The following OSBPL10 variants were observed in gnomAD, a reference collection of about 807,000 sequenced individuals.
The protein encoded by OSBPL10 is oxysterol-binding protein-related protein 10.
In OSBPL10, 49 loss-of-function variants were observed where a neutral mutation model predicts 81.7. That is an observed-to-expected ratio of 0.60 (90% CI 0.48 to 0.76). OSBPL10 has a LOEUF of 0.76. Among genes scored for constraint, OSBPL10 ranks in the 30% least tolerant of loss-of-function variants. The probability of loss-of-function intolerance (pLI) is 0.00; values close to 1 mark genes in which losing one functional copy is unlikely to be tolerated. For synonymous variants in OSBPL10, 419 were observed against 383.6 expected (o/e 1.09, Z -1.08); for missense variants, 923 against 987.8 (o/e 0.93, Z 0.88).
chr3:31,981,141 AC>A lies in OSBPL10; in HGVS notation c.38del (p.Gly13ValfsTer97). 2.7e-6 allele frequency: 4 copies of A among 1,478,304 alleles called. No individual in the cohort carries two copies. Among genetic ancestry groups the A allele is most frequent in the East Asian group, 3.0e-5 (1 of 33,486 alleles). The allele number at this position is 1,478,304 out of a possible 1,614,324, so 91.6% of individuals were successfully genotyped here. A position where few individuals can be genotyped will look rare whatever the true frequency, so the allele number is the denominator to read the frequency against. ...TGCTGCTGCGGCTGCTGCTGTTGCT[AC>A]CCCCGCCGCCGTCTGTGCCCTGGAC... ...RAVQGTDGGGGSNSSSRSSSR... is the reference protein window; with the variant it reads ...RAVQGTDGGGXSNSSSRSSSR... On this transcript the variant is annotated frameshift_variant, in exon 1 of 12. Transcript: ENST00000396556. LOFTEE classifies it high-confidence loss of function. The surrounding 1 kb of genome is among the most constrained non-coding windows in gnomAD (Gnocchi z 4.5).
At chr3:31,673,073 G>A (rs148008331) in intron 8 of OSBPL10, among the ~76,000 whole-genome samples, 15 of 152,126 alleles carry the variant, frequency 9.9e-5, no homozygotes, top group African/African-American at 2.6e-4. Flanking sequence ...CAAAAGTAAA[G>A]CCCCAGGCCA....
At chr3:31,776,642 T>C (rs1698555952) in intron 4 of OSBPL10, among the ~76,000 whole-genome samples, 1 of 152,168 alleles carries the variant, frequency 6.6e-6, no homozygotes, top group African/African-American at 2.4e-5. Context: ...TACTAGTACA[T>C]GCTACAAAAT....
intron 2 of OSBPL10, among the ~76,000 whole-genome samples, chr3:32,040,040 C>T (rs978649741): frequency 1.4e-4 from 22 of 152,242 alleles, no homozygotes; most frequent in African/African-American, 4.6e-4. Flanking sequence ...TTTGGCAGTT[C>T]GTCAATAAGT....
intron 1 of OSBPL10, chr3:31,906,845 G>T (rs6550083): frequency 6.6e-6 from 1 of 152,254 alleles, no homozygotes; most frequent in Admixed American, 6.5e-5. Context: ...ACAGAAAACT[G>T]ACTGAAGTAA....
intron 7 of OSBPL10, 28 bp from the exon 8 acceptor site, chr3:31,684,142 C>T (rs1234632820): frequency 1.9e-6 from 3 of 1,606,316 alleles, no homozygotes; most frequent in South Asian, 1.1e-5. Context: ...CAAAGTCAGA[C>T]AATCCCTGGG....
chr3:31,945,631 G>C (rs2125433947), intron 1 of OSBPL10, among the ~76,000 whole-genome samples: 1 of 152,314 alleles, frequency 6.6e-6, no homozygotes, highest in South Asian at 2.1e-4. Context: ...CCATAGCTGA[G>C]AAGCAGCTGC....
chr3:31,710,903 G>A (rs1487856352), intron 6 of OSBPL10: 1 of 152,290 alleles, frequency 6.6e-6, no homozygotes, highest in Non-Finnish European at 1.5e-5. Context: ...AGGCCTGAAA[G>A]GGTTAATCAC....
At chr3:31,814,280 A>G (rs1699778984) in intron 4 of OSBPL10, among the ~76,000 whole-genome samples, 1 of 152,218 alleles carries the variant, frequency 6.6e-6, no homozygotes, top group Admixed American at 6.5e-5. Flanking sequence ...CATAAACACA[A>G]AGTCGAAAAT....
In OSBPL10 at chr3:31,767,250, G is replaced by C. The variant is rs1011666318; in HGVS notation, c.730-19130C>G. ...AGTTGTGATTAAAACAGTTCCCTCT[G>C]TTCATGGGAATAAGTTCTTCTCCCA... On this transcript the variant is annotated intron_variant, in intron 4 of 11. Coordinates refer to ENST00000396556, the MANE Select transcript of OSBPL10 (RefSeq NM_017784.5). Among the ~76,000 whole-genome samples the C allele has an allele frequency of 3.9e-5, 6 of 152,246 alleles. No homozygotes were observed. The South Asian group carries it at 1.0e-3, about 26-fold the overall frequency.
chr3:31,770,004 T>G (rs1053213017), intron 4 of OSBPL10, among the ~76,000 whole-genome samples: 4 of 152,198 alleles, frequency 2.6e-5, no homozygotes, highest in Non-Finnish European at 4.4e-5. Flanking sequence ...GTTCTGCCTG[T>G]ACCTAGAAGC....
At position 31,978,879 on chromosome 3, in the gene OSBPL10, C is replaced by T. The variant is rs528238023; in HGVS notation, c.281+2020G>A. Among the ~76,000 whole-genome samples, 388 of 152,308 alleles carry T rather than the reference C, an allele frequency of 2.5e-3. 1 individual carries two copies. The highest frequency in any genetic ancestry group is 8.9e-3 in the African/African-American group (370 of 41,576). On this transcript the variant is annotated intron_variant, in intron 1 of 11. Transcript: ENST00000396556. ...AACCTTGCCTCCAATCTAAACACCA[C>T]AATGGGTTTAAAATAATGCAAAAGA...
At chr3:31,689,542 C>T (rs1226722426) in intron 7 of OSBPL10, among the ~76,000 whole-genome samples, 2 of 152,148 alleles carry the variant, frequency 1.3e-5, no homozygotes, top group Non-Finnish European at 2.9e-5. Flanking sequence ...TATGGTTTGG[C>T]TGTGTCCCCA....
intron 1 of OSBPL10, among the ~76,000 whole-genome samples, chr3:32,058,666 A>ATTG (rs148130633): frequency 0.02 from 3,015 of 152,020 alleles, 86 homozygotes; most frequent in East Asian, 0.088. Context: ...ATGCTTATGA[A>ATTG]TTGTTGTTGT....
chr3:31,826,145 G>C (rs1046261467), intron 4 of OSBPL10, among the ~76,000 whole-genome samples: 2 of 152,104 alleles, frequency 1.3e-5, no homozygotes, highest in African/African-American at 4.8e-5. Context: ...TTCCCAGCAG[G>C]AAATTTATGG....
rs149806395 is a variant in OSBPL10, at chr3:31,911,453, G to A, written c.282-31623C>T. On this transcript the variant is annotated intron_variant, in intron 1 of 11. Coordinates refer to ENST00000396556, the MANE Select transcript of OSBPL10 (RefSeq NM_017784.5). Reference sequence around the variant, plus strand: ...CTCAGAAATCTCCAGATACCCTCAGGGGAATGGCGAAACACCACTAAGCTT... The same window carrying A: ...CTCAGAAATCTCCAGATACCCTCAGAGGAATGGCGAAACACCACTAAGCTT... Among the ~76,000 whole-genome samples, 491 of 152,162 alleles carry A rather than the reference G, an allele frequency of 3.2e-3. 4 individuals are homozygous for A. The highest frequency in any genetic ancestry group is 0.011 in the African/African-American group (469 of 41,510).
chr3:32,012,906 A>G (rs1234111876), intron 2 of OSBPL10, among the ~76,000 whole-genome samples: 9 of 151,378 alleles, frequency 5.9e-5, no homozygotes, highest in East Asian at 1.9e-4. Flanking sequence ...TCCTAAATAT[A>G]TATGCACCCA....
chr3:31,765,761 C>G (rs996595865), intron 4 of OSBPL10, among the ~76,000 whole-genome samples: 1 of 152,096 alleles, frequency 6.6e-6, no homozygotes, highest in Non-Finnish European at 1.5e-5. Context: ...TTTTCTTGCT[C>G]TATCAAGACT....
intron 1 of OSBPL10, among the ~76,000 whole-genome samples, chr3:31,965,631 A>AAT (rs1345037696): frequency 4.2e-5 from 3 of 71,980 alleles, no homozygotes; most frequent in African/African-American, 1.9e-4. Flanking sequence ...TATATTATAT[A>AAT]ATATATTATA....
chr3:31,957,137 A>G (rs180726141), intron 1 of OSBPL10, among the ~76,000 whole-genome samples: 21 of 152,166 alleles, frequency 1.4e-4, no homozygotes, highest in African/African-American at 5.1e-4. Flanking sequence ...CCTGTCTCAA[A>G]AAATAAAAAA....
Sources: allele counts gnomAD v4.1 joint callset (sites outside exome capture counted in the v4.1 genomes callset), GRCh38; gene constraint gnomAD v4.1.1; non-coding constraint Gnocchi (gnomAD v3.1); transcripts MANE v1.5; gene names NCBI Gene and HGNC (gene_info 2026-07-23, HGNC 2026-07-21).